The following KLRF1 variants were observed in gnomAD, a reference collection of about 807,000 sequenced individuals.
KLRF1 encodes killer cell lectin-like receptor subfamily F member 1.
A neutral mutation model predicts 30.7 loss-of-function variants in KLRF1; 27 were observed. That is an observed-to-expected ratio of 0.88 (90% CI 0.65 to 1.21). KLRF1 has a LOEUF of 1.21. Among genes scored for constraint, KLRF1 ranks in the 50% most tolerant of loss-of-function variants. The probability of loss-of-function intolerance (pLI) is 0.00; values close to 1 mark genes in which losing one functional copy is unlikely to be tolerated. For missense variants in KLRF1, 246 were observed against 259.3 expected, an observed-to-expected ratio of 0.95 and a Z score of 0.35; for synonymous variants, 92 against 89.3, an observed-to-expected ratio of 1.03 and a Z score of -0.17.
chr12:9,843,592 C>A (rs1049501630), intron 5 of KLRF1, among the ~76,000 whole-genome samples: 3 of 152,146 alleles, frequency 2.0e-5, no homozygotes, highest in Non-Finnish European at 2.9e-5. Flanking sequence ...AGTTGTGTCA[C>A]TGAACGTCAT....
At chr12:9,842,092 G>A (rs759304599) in intron 4 of KLRF1, 141 bp downstream of exon 4, 35 of 997,898 alleles carry the variant, frequency 3.5e-5, no homozygotes, top group Non-Finnish European at 5.0e-5. Flanking sequence ...TATTCCAAGT[G>A]AGTGCCTCAC....
rs1288788111 is a variant in KLRF1, at chr12:9,842,382, C to G, written c.536C>G (p.Ser179Cys). ...NYVWIGLNFTSLKMTWTWVDG... is the reference protein window; with the variant it reads ...NYVWIGLNFTCLKMTWTWVDG... ...GTATGGATTGGGCTTAACTTTACCT[C>G]CTTGAAAATGACATGGACTTGGGTG... Residue 179 changes from serine to cysteine, a missense_variant, in exon 5 of 6, where the codon TCC becomes TGC. By Grantham distance (112) the Ser-to-Cys change is moderately radical. Transcript: ENST00000617889. 6.2e-7 allele frequency: 1 copy of G among 1,612,526 alleles called. No homozygotes were observed. The highest frequency in any genetic ancestry group is 8.5e-7 in the Non-Finnish European group (1 of 1,178,976).
chr12:9,826,583 C>T (rs1867287540), upstream of KLRF1, among the ~76,000 whole-genome samples: 2 of 152,138 alleles, frequency 1.3e-5, no homozygotes, highest in South Asian at 4.1e-4. Context: ...CTGTTCATGG[C>T]AGCACTGTTG....
At chr12:9,818,981 G>C in the KLRF1 span, among the ~76,000 whole-genome samples, 1 of 152,172 alleles carries the variant, frequency 6.6e-6, no homozygotes, top group Non-Finnish European at 1.5e-5. Flanking sequence ...AAGGCAGGAC[G>C]ACTGCCCACC....
At chr12:9,812,982 G>C in the KLRF1 span, among the ~76,000 whole-genome samples, 3 of 152,142 alleles carry the variant, frequency 2.0e-5, no homozygotes, top group Admixed American at 6.5e-5. Context: ...TCATCAAGAG[G>C]TAAAACTTCC....
chr12:9,832,738 T>A (rs747135858), intron 2 of KLRF1, among the ~76,000 whole-genome samples: 1 of 152,062 alleles, frequency 6.6e-6, no homozygotes, highest in East Asian at 1.9e-4. Flanking sequence ...GTTTCTTGGA[T>A]ACTTTAATAG....
At chr12:9,821,208 G>C in the KLRF1 span, among the ~76,000 whole-genome samples, 5 of 151,968 alleles carry the variant, frequency 3.3e-5, no homozygotes, top group African/African-American at 1.2e-4. Context: ...CCAAAAAGTG[G>C]AATACCAAGC....
chr12:9,809,299 G>C, the KLRF1 span, among the ~76,000 whole-genome samples: 1 of 152,222 alleles, frequency 6.6e-6, no homozygotes, highest in African/African-American at 2.4e-5. Flanking sequence ...TATCTAAAAA[G>C]AAAGGGTGGG....
intron 3 of KLRF1, among the ~76,000 whole-genome samples, chr12:9,839,055 T>G (rs987507179): frequency 6.6e-5 from 10 of 152,082 alleles, no homozygotes; most frequent in African/African-American, 2.4e-4. Flanking sequence ...TGGATGGGCC[T>G]TACTCAGTTT....
At chr12:9,821,062 A>C in the KLRF1 span, among the ~76,000 whole-genome samples, 1 of 152,068 alleles carries the variant, frequency 6.6e-6, no homozygotes, top group African/African-American at 2.4e-5. Context: ...GGATAGAAAC[A>C]GTTCTATCCC....
At chr12:9,844,051 A>G (rs1232227423) in intron 5 of KLRF1, among the ~76,000 whole-genome samples, 2 of 152,130 alleles carry the variant, frequency 1.3e-5, no homozygotes, top group African/African-American at 2.4e-5. Context: ...ATCATGAAGT[A>G]TTATTATCGT....
chr12:9,826,967 C>T (rs1867293070), upstream of KLRF1, among the ~76,000 whole-genome samples: 1 of 151,856 alleles, frequency 6.6e-6, no homozygotes, highest in Non-Finnish European at 1.5e-5. Flanking sequence ...ACAACAAACC[C>T]CTGTGACATG....
chr12:9,807,510 G>C, the KLRF1 span, among the ~76,000 whole-genome samples: 3 of 151,898 alleles, frequency 2.0e-5, no homozygotes, highest in Non-Finnish European at 4.4e-5. Flanking sequence ...ATTTCTATTT[G>C]TTATACACTC....
rs7307034 is a variant in KLRF1, at chr12:9,843,053, G to T, written c.587+620G>T. Among the ~76,000 whole-genome samples, 1,126 of 152,242 alleles carry T rather than the reference G, an allele frequency of 7.4e-3. 12 individuals are homozygous for T. The highest frequency in any genetic ancestry group is 0.025 in the African/African-American group (1,056 of 41,546). On this transcript the variant is annotated intron_variant, in intron 5 of 5. Transcript: ENST00000617889. ...TTTATATGGCAAAAGAGCCTTTGCA[G>T]GTATGATTAAATGAGGAATCTCGAG...
At position 9,841,816 on chromosome 12, in the gene KLRF1, A is replaced by G; in HGVS notation, c.339A>G (p.Leu113=). 5 of 1,605,318 alleles carry G rather than the reference A, an allele frequency of 3.1e-6. No individual in the cohort carries two copies. Among genetic ancestry groups the G allele is most frequent in the Non-Finnish European group, 4.3e-6 (5 of 1,173,714 alleles). ...CASRSADQTV[L]CQSEWLKYQG... is the part of the protein sequence containing the mutation. The stretch of plus-strand genomic sequence containing the variant: ...GTTTTCTACATTTCTCTGTAGTACT[A>G]TGCCAATCAGAATGGCTCAAATACC... The change falls in exon 4 of 6, where the codon CTA becomes CTG. Residue 113 remains leucine, a synonymous_variant. Coordinates refer to ENST00000617889, the MANE Select transcript of KLRF1 (RefSeq NM_016523.3).
intron 3 of KLRF1, among the ~76,000 whole-genome samples, chr12:9,838,678 G>T (rs1867640434): frequency 6.6e-6 from 1 of 152,126 alleles, no homozygotes; most frequent in Non-Finnish European, 1.5e-5. Context: ...TTTTTACCAT[G>T]TTGCCTTTTA....
chr12:9,800,999 C>T, the KLRF1 span, among the ~76,000 whole-genome samples: 1 of 151,884 alleles, frequency 6.6e-6, no homozygotes, highest in African/African-American at 2.4e-5. Flanking sequence ...CCCTCCCCTT[C>T]CCCCCATCCC....
chr12:9,809,474 C>T, the KLRF1 span, among the ~76,000 whole-genome samples: 1 of 152,034 alleles, frequency 6.6e-6, no homozygotes, highest in African/African-American at 2.4e-5. Flanking sequence ...TTAGTTGAAA[C>T]CGTAACTTAA....
chr12:9,822,999 T>C (rs545973831), upstream of KLRF1, among the ~76,000 whole-genome samples: 4 of 151,986 alleles, frequency 2.6e-5, no homozygotes, highest in Non-Finnish European at 5.9e-5. Context: ...GTCTTAAATA[T>C]TTACAAAATA....
Sources: gnomAD v4.1 joint callset for allele counts (sites outside exome capture counted in the v4.1 genomes callset) on GRCh38, gnomAD v4.1.1 for gene constraint, MANE v1.5 for transcripts, NCBI Gene and HGNC (gene_info 2026-07-23, HGNC 2026-07-21) for gene names.